TOP3A: variants seen among roughly 807,000 people sequenced by gnomAD.
TOP3A encodes DNA topoisomerase 3-alpha.
In TOP3A, 64 loss-of-function variants were observed where a neutral mutation model predicts 111.3. The observed-to-expected ratio is 0.57, with a 90% CI of 0.47 to 0.71. TOP3A has a LOEUF of 0.71. Among genes scored for constraint, TOP3A ranks in the 30% least tolerant of loss-of-function variants. TOP3A has a pLI of 0.00. For synonymous variants in TOP3A, 484 were observed against 485.1 expected (o/e 1.00, Z 0.03); for missense variants, 1,104 against 1,285.0 (o/e 0.86, Z 2.15).
intron 12 of TOP3A, 53 bp from the exon 13 acceptor site, chr17:18,290,739 C>G (rs1190308642): frequency 1.1e-5 from 17 of 1,572,358 alleles, no homozygotes; most frequent in Non-Finnish European, 1.4e-5. Flanking sequence ...CACACTCAGG[C>G]AAAAAATAAC....
At chr17:18,280,720 T>A in intron 16 of TOP3A, 62 bp from the exon 17 acceptor site, 1 of 1,590,304 alleles carries the variant, frequency 6.3e-7, no homozygotes, top group Non-Finnish European at 8.6e-7. Flanking sequence ...CTGTTGGCCA[T>A]CAGCTAAGGC....
At chr17:18,281,993 A>T (rs1175749015) in intron 16 of TOP3A, among the ~76,000 whole-genome samples, 4 of 152,168 alleles carry the variant, frequency 2.6e-5, no homozygotes, top group African/African-American at 9.7e-5. Context: ...GCATTACACC[A>T]GTGAGGGACG....
intron 9 of TOP3A, 123 bp from the exon 10 acceptor site, chr17:18,294,908 G>T: frequency 1.5e-6 from 1 of 654,794 alleles, no homozygotes. Flanking sequence ...GTCAAACAGA[G>T]CTGAAAAGGC....
chr17:18,284,131 C>G (rs1979936959), intron 15 of TOP3A, among the ~76,000 whole-genome samples: 1 of 151,708 alleles, frequency 6.6e-6, no homozygotes, highest in Non-Finnish European at 1.5e-5. Context: ...TCCCAGGTAG[C>G]TGGGACTACA....
intron 5 of TOP3A, among the ~76,000 whole-genome samples, chr17:18,303,588 C>G (rs886356446): frequency 6.6e-6 from 1 of 152,196 alleles, no homozygotes; most frequent in Non-Finnish European, 1.5e-5. Flanking sequence ...CTTTACTGCA[C>G]TGAGATGTTT....
At chr17:18,291,181 T>C (rs2142963769) in intron 11 of TOP3A, among the ~76,000 whole-genome samples, 154 bp from the exon 12 acceptor site, 1 of 152,302 alleles carries the variant, frequency 6.6e-6, no homozygotes, top group Non-Finnish European at 1.5e-5. Context: ...AAACAAGTCC[T>C]GGGGAGAGGA....
Position 18,273,021 on chromosome 17 carries a change from G to A in TOP3A, c.*1781C>T, listed in dbSNP as rs1419524636. On this transcript the variant is annotated 3_prime_UTR_variant, in exon 19 of 19. Transcript: ENST00000321105. ...CCCACAGAGACAAAAAGTGGTTGGT[G>A]GTACCCCGGAGCTGGGATAGGCAAA... The A allele has an allele frequency of 1.3e-5, 2 of 152,024 alleles. No homozygotes were observed. Among genetic ancestry groups the A allele is most frequent in the African/African-American group, 2.4e-5 (1 of 41,378 alleles). The allele number at this position is 152,024 out of a possible 1,614,324, so 9.4% of individuals were successfully genotyped here. A position where few individuals can be genotyped will look rare whatever the true frequency, so the allele number is the denominator to read the frequency against.
rs61654411 is a variant in TOP3A, at chr17:18,272,607, A to G, written c.*2195T>C. Among the ~76,000 whole-genome samples, 499 of 152,334 alleles carry G rather than the reference A, an allele frequency of 3.3e-3. 2 individuals are homozygous for G. Among genetic ancestry groups the G allele is most frequent in the African/African-American group, 0.012 (484 of 41,578 alleles). On this transcript the variant is annotated 3_prime_UTR_variant, in exon 19 of 19. Coordinates refer to ENST00000321105, the MANE Select transcript of TOP3A (RefSeq NM_004618.5). Reference sequence around the variant, plus strand: ...CTTATCATAAACATCGAGGACTGACATGCTACAATGTGGATGAGCCTGACA... The same window carrying G: ...CTTATCATAAACATCGAGGACTGACGTGCTACAATGTGGATGAGCCTGACA...
At chr17:18,312,543 C>T (rs538613109) in intron 1 of TOP3A, 17 of 168,880 alleles carry the variant, frequency 1.0e-4, no homozygotes, top group Admixed American at 2.4e-4. Context: ...CAAATTACAA[C>T]GACATATGAG....
rs1979537001 is a variant in TOP3A at position 18,278,311 on chromosome 17, G to A, written c.2191C>T (p.Leu731=). 1 of 1,520,358 alleles carries A rather than the reference G, an allele frequency of 6.6e-7. No homozygotes were observed. The highest frequency in any genetic ancestry group is 1.3e-5 in the South Asian group (1 of 75,828). 94.2% of individuals were successfully genotyped at this position (1,520,358 alleles called of 1,614,324 possible). A position where few individuals can be genotyped will look rare whatever the true frequency, so the allele number is the denominator to read the frequency against. Residue 731 remains leucine (L), a synonymous_variant, in exon 18 of 19, where the codon CTG becomes TTG. Transcript: ENST00000321105. ...KRGSLPPTMP[L]EFVCCIGGCD... Reference sequence around the variant, plus strand: ...CCGCCGATGCAGCAAACAAACTCCAGAGGCATGGTCGGGGGAAGGCTACCG... The same window carrying A: ...CCGCCGATGCAGCAAACAAACTCCAAAGGCATGGTCGGGGGAAGGCTACCG...
chr17:18,294,766 G>C lies in TOP3A; in HGVS notation c.1010C>G (p.Ser337Cys). The C allele has an allele frequency of 1.2e-6, 2 of 1,613,938 alleles. No homozygotes were observed. Among genetic ancestry groups the C allele is most frequent in the Non-Finnish European group, 1.7e-6 (2 of 1,179,908 alleles). The change falls in exon 10 of 19, where the codon TCT becomes TGT. Residue 337 changes from serine (S) to cysteine (C), a missense_variant. Physicochemically the swap from Ser to Cys is moderately radical, Grantham distance 112. Transcript: ENST00000321105. Reference protein sequence around the residue: ...LDTVELEKLASRKLRINAKET... With the variant: ...LDTVELEKLACRKLRINAKET... ...TTTAGCATTTATTCTCAACTTTCGA[G>C]AAGCCAGCTTCTCAAGCTCCTGTGA...
intron 13 of TOP3A, among the ~76,000 whole-genome samples, chr17:18,288,043 C>T (rs1324501580): frequency 6.7e-6 from 1 of 150,276 alleles, no homozygotes; most frequent in Non-Finnish European, 1.5e-5. Flanking sequence ...GTGGTGATAG[C>T]TGCACAACTT....
intron 13 of TOP3A, among the ~76,000 whole-genome samples, chr17:18,287,923 G>A (rs1238137912): frequency 6.6e-6 from 1 of 151,520 alleles, no homozygotes; most frequent in Admixed American, 6.6e-5. Flanking sequence ...GCTTGAACCT[G>A]GGTGGCGGAA....
At chr17:18,281,779 T>C (rs1979775077) in intron 16 of TOP3A, among the ~76,000 whole-genome samples, 1 of 152,166 alleles carries the variant, frequency 6.6e-6, no homozygotes, top group African/African-American at 2.4e-5. Context: ...ACCTCCTTTC[T>C]TATTCAGCAG....
Position 18,285,275 on chromosome 17 carries a change from G to A in TOP3A, c.1744C>T (p.Pro582Ser), listed in dbSNP as rs758493407. ...YDSMGYEMSK[P>S]DLRAELEADL... ...GCTTCCAGTTCAGCCCGGAGGTCAGGCTTAGACATTTCATAGCCCATGGAA... is the reference window on the plus strand; with the variant it reads ...GCTTCCAGTTCAGCCCGGAGGTCAGACTTAGACATTTCATAGCCCATGGAA... Residue 582 changes from proline (P) to serine (S), a missense_variant, in exon 15 of 19, where the codon CCT becomes TCT. Transcript: ENST00000321105. 8 of 1,614,150 alleles carry A rather than the reference G, an allele frequency of 5.0e-6. No homozygotes were observed. Among genetic ancestry groups the A allele is most frequent in the Non-Finnish European group, 6.8e-6 (8 of 1,180,020 alleles).
intron 9 of TOP3A, among the ~76,000 whole-genome samples, chr17:18,299,128 T>C (rs571431321): frequency 1.3e-5 from 2 of 148,626 alleles, no homozygotes; most frequent in Non-Finnish European, 1.5e-5. Context: ...AAATAAAAAA[T>C]AACAGGCCAA....
intron 4 of TOP3A, among the ~76,000 whole-genome samples, chr17:18,305,806 C>G (rs1024330108): frequency 2.0e-5 from 3 of 152,094 alleles, no homozygotes; most frequent in Admixed American, 1.3e-4. Context: ...CCACTGCAGT[C>G]CAGCCTGGGT....
At chr17:18,302,043 CAGAT>C (rs1185396223) in intron 7 of TOP3A, 58 bp from the exon 8 acceptor site, 1 of 1,538,516 alleles carries the variant, frequency 6.5e-7, no homozygotes, top group African/African-American at 1.4e-5. Flanking sequence ...CATGATATGA[CAGAT>C]AGAAAAAGGT....
At chr17:18,302,861 G>T in intron 5 of TOP3A, 138 bp from the exon 6 acceptor site, 2 of 966,020 alleles carry the variant, frequency 2.1e-6, no homozygotes, top group Non-Finnish European at 3.0e-6. Flanking sequence ...TTACCTATTA[G>T]GTTAAATCAA....
Sources: allele counts gnomAD v4.1 joint callset (sites outside exome capture counted in the v4.1 genomes callset), GRCh38; gene constraint gnomAD v4.1.1; transcripts MANE v1.5; gene names NCBI Gene and HGNC (gene_info 2026-07-23, HGNC 2026-07-21).